The following CEP128 variants were observed in gnomAD, a reference collection of about 807,000 sequenced individuals.
CEP128 encodes the protein centrosomal protein 128.
CEP128 carries 132 observed loss-of-function variants against 156.7 expected under a neutral mutation model. The observed-to-expected ratio is 0.84, with a 90% confidence interval of 0.73 to 0.97. The LOEUF (loss-of-function observed/expected upper bound fraction) is 0.97, where lower values mean the gene tolerates loss of function less well. Ranked by LOEUF, CEP128 falls within the 50% of genes least tolerant of loss-of-function variation. The probability of loss-of-function intolerance (pLI) is 0.00; values close to 1 mark genes in which losing one functional copy is unlikely to be tolerated. For synonymous variants in CEP128, 469 were observed against 448.9 expected (o/e 1.04, Z -0.57); for missense variants, 1,252 against 1,281.9 (o/e 0.98, Z 0.36).
chr14:80,955,936 A>C, intron 2 of CEP128: 1 of 1,523,760 alleles, frequency 6.6e-7, no homozygotes, highest in Non-Finnish European at 9.1e-7. Flanking sequence ...GCAGCTCAAT[A>C]ACAGCCCGAA....
intron 18 of CEP128, among the ~76,000 whole-genome samples, chr14:80,743,945 C>A (rs1471680420): frequency 6.6e-6 from 1 of 151,448 alleles, no homozygotes; most frequent in African/African-American, 2.4e-5. Context: ...GCTCTTGGCT[C>A]ACTGTAGCCT....
chr14:80,872,128 T>C (rs1888057819), intron 8 of CEP128, among the ~76,000 whole-genome samples: 1 of 152,120 alleles, frequency 6.6e-6, no homozygotes, highest in Non-Finnish European at 1.5e-5. Context: ...GATCCTCCTA[T>C]AGAAAACTAA....
At chr14:80,669,787 G>C (rs1437071128) in intron 19 of CEP128, among the ~76,000 whole-genome samples, 1 of 152,210 alleles carries the variant, frequency 6.6e-6, no homozygotes. Flanking sequence ...ATTTGATCCA[G>C]CAATTCCATG....
At position 80,637,529 on chromosome 14, in the gene CEP128, C is replaced by T. The variant is rs545697574; in HGVS notation, c.2807-57106G>A. Among the ~76,000 whole-genome samples, 235 of 152,292 alleles carry T rather than the reference C, an allele frequency of 1.5e-3. 2 individuals are homozygous for T. The highest frequency in any genetic ancestry group is 5.3e-3 in the African/African-American group (221 of 41,560). On this transcript the variant is annotated intron_variant, in intron 19 of 24. Transcript: ENST00000555265. Reference sequence around the variant, plus strand: ...TTTTTGCCTACCAATGTATCCATTGCAGACACTCAGTAAATAGTTTCTAAA... The same window carrying T: ...TTTTTGCCTACCAATGTATCCATTGTAGACACTCAGTAAATAGTTTCTAAA...
In CEP128 at chr14:80,771,052, T is replaced by C. The variant is rs549304902; in HGVS notation, c.2376+6830A>G. Reference sequence around the variant, plus strand: ...AAAAATAGCAATCCTAAACAGATGGTTAAATTAGAACTGAAACACAAAGTT... The same window carrying C: ...AAAAATAGCAATCCTAAACAGATGGCTAAATTAGAACTGAAACACAAAGTT... On this transcript the variant is annotated intron_variant, in intron 16 of 24. Coordinates refer to ENST00000555265, the MANE Select transcript of CEP128 (RefSeq NM_152446.5). 5.9e-5 allele frequency among the ~76,000 whole-genome samples: 9 copies of C among 152,278 alleles called. No homozygotes were observed. The East Asian group carries it at 1.7e-3, about 29-fold the overall frequency.
rs570481231 is a variant in CEP128, at chr14:80,566,022, T to C, written c.2857-6720A>G. Among the ~76,000 whole-genome samples the C allele has an allele frequency of 5.3e-5, 8 of 152,140 alleles. No homozygotes were observed. In the South Asian group the frequency reaches 6.2e-4, roughly 12 times the overall value. On this transcript the variant is annotated intron_variant, in intron 20 of 24. Transcript: ENST00000555265. ...TTCCACATCTTAGAAGCTTGAAGAGTATAGAATAATTCTGGCAACTTCTCT... is the reference window on the plus strand; with the variant it reads ...TTCCACATCTTAGAAGCTTGAAGAGCATAGAATAATTCTGGCAACTTCTCT...
At position 80,830,122 on chromosome 14, in the gene CEP128, T is replaced by A. The variant is rs915583980; in HGVS notation, c.1209+1021A>T. On this transcript the variant is annotated intron_variant, in intron 13 of 24. Coordinates refer to ENST00000555265, the MANE Select transcript of CEP128 (RefSeq NM_152446.5). Reference sequence around the variant, plus strand: ...GGATCAAGGGCTAAAATAATACCCATGAAGCAAACTTTAAAAGTTGTATAA... The same window carrying A: ...GGATCAAGGGCTAAAATAATACCCAAGAAGCAAACTTTAAAAGTTGTATAA... 3 of 456,224 alleles carry A rather than the reference T, an allele frequency of 6.6e-6. No individual in the cohort carries two copies. In the Admixed American group the frequency reaches 1.2e-4, roughly 18 times the overall value. 28.3% of individuals were successfully genotyped at this position (456,224 alleles called of 1,614,324 possible).
chr14:80,652,139 T>C (rs1026030889), intron 19 of CEP128, among the ~76,000 whole-genome samples: 1 of 151,654 alleles, frequency 6.6e-6, no homozygotes, highest in African/African-American at 2.4e-5. Flanking sequence ...TGGCTAGCCA[T>C]ACGCAGAAAA....
chr14:80,806,456 G>A (rs1884180585), intron 13 of CEP128, among the ~76,000 whole-genome samples: 1 of 152,154 alleles, frequency 6.6e-6, no homozygotes, highest in South Asian at 2.1e-4. Flanking sequence ...CTAGGCCTCA[G>A]TAATGCACGA....
intron 20 of CEP128, among the ~76,000 whole-genome samples, chr14:80,561,492 C>T (rs141982435): frequency 2.6e-5 from 4 of 152,228 alleles, no homozygotes; most frequent in South Asian, 2.1e-4. Flanking sequence ...TTGAACAGAA[C>T]GTCATTAGAT....
At chr14:80,820,761 A>T (rs7148368) in intron 13 of CEP128, among the ~76,000 whole-genome samples, 53,287 of 152,018 alleles carry the variant, frequency 0.35, 10,056 homozygotes, top group Non-Finnish European at 0.42. Context: ...TAAGGTTTAC[A>T]CTACAGAACA....
intron 19 of CEP128, among the ~76,000 whole-genome samples, chr14:80,622,021 A>C (rs1438705679): frequency 6.6e-6 from 1 of 152,088 alleles, no homozygotes; most frequent in Non-Finnish European, 1.5e-5. Flanking sequence ...CTTATAAAGC[A>C]GCAGCATAAG....
At chr14:80,796,059 C>A (rs1383510876) in intron 13 of CEP128, among the ~76,000 whole-genome samples, 2 of 152,170 alleles carry the variant, frequency 1.3e-5, no homozygotes, top group African/African-American at 4.8e-5. Flanking sequence ...AAGCCAAGAT[C>A]CTGGAAAGAG....
intron 16 of CEP128, among the ~76,000 whole-genome samples, chr14:80,770,280 G>A (rs926458825): frequency 1.3e-5 from 2 of 152,196 alleles, no homozygotes; most frequent in African/African-American, 2.4e-5. Context: ...TGCCAATTGA[G>A]TAATTTCAAA....
intron 23 of CEP128, among the ~76,000 whole-genome samples, chr14:80,520,346 G>A (rs1888681505): frequency 6.6e-6 from 1 of 152,042 alleles, no homozygotes; most frequent in Admixed American, 6.6e-5. Flanking sequence ...TTGAACCCAG[G>A]AGGCAGAGGT....
intron 19 of CEP128, among the ~76,000 whole-genome samples, chr14:80,580,746 T>C (rs963508591): frequency 1.1e-4 from 17 of 152,156 alleles, no homozygotes; most frequent in African/African-American, 3.6e-4. Context: ...CATGCTTATA[T>C]AACTCAATGC....
At chr14:80,932,526 T>G (rs914241804) in intron 2 of CEP128, among the ~76,000 whole-genome samples, 2 of 152,124 alleles carry the variant, frequency 1.3e-5, no homozygotes, top group East Asian at 3.9e-4. Flanking sequence ...TTCCAACATC[T>G]TATCTTTGTG....
intron 23 of CEP128, among the ~76,000 whole-genome samples, chr14:80,508,018 G>A (rs1303883839): frequency 6.6e-6 from 1 of 152,108 alleles, no homozygotes; most frequent in Non-Finnish European, 1.5e-5. Flanking sequence ...AGGTTCAAGC[G>A]ATCCTCCTGC....
At chr14:80,724,178 G>T (rs1897927627) in intron 19 of CEP128, among the ~76,000 whole-genome samples, 2 of 152,026 alleles carry the variant, frequency 1.3e-5, no homozygotes, top group African/African-American at 4.8e-5. Flanking sequence ...AATTAAAGAG[G>T]GTTGCTATTT....
Sources: allele counts gnomAD v4.1 joint callset (sites outside exome capture counted in the v4.1 genomes callset), GRCh38; gene constraint gnomAD v4.1.1; transcripts MANE v1.5; gene names NCBI Gene and HGNC (gene_info 2026-07-23, HGNC 2026-07-21).